The following ATR variants were observed in gnomAD, a reference collection of about 807,000 sequenced individuals.
The protein encoded by ATR is ATR checkpoint kinase.
A neutral mutation model predicts 305.3 loss-of-function variants in ATR; 142 were observed. That is an observed-to-expected ratio of 0.47 (90% CI 0.41 to 0.53). The LOEUF (loss-of-function observed/expected upper bound fraction) is 0.53, where lower values mean the gene tolerates loss of function less well. ATR is among the 20% of genes least tolerant of loss of function. The pLI, the probability that ATR is intolerant of heterozygous loss-of-function variation, is 0.00. For missense variants in ATR, 2,135 were observed against 3,133.1 expected (o/e 0.68, Z 7.60); for synonymous variants, 1,050 against 1,068.1 (o/e 0.98, Z 0.33).
intron 21 of ATR, among the ~76,000 whole-genome samples, chr3:142,525,148 CAGTTA>C (rs1157056638): frequency 2.0e-5 from 3 of 152,120 alleles, no homozygotes; most frequent in African/African-American, 7.2e-5. Flanking sequence ...CCCTGGTAAT[CAGTTA>C]AAAGTAAAAC....
At chr3:142,449,720 G>A in intron 46 of ATR, 118 bp from the exon 47 acceptor site, 7 of 1,079,826 alleles carry the variant, frequency 6.5e-6, no homozygotes, top group Non-Finnish European at 9.6e-6. Context: ...TACCCCTTTT[G>A]TAAGAGCAAA....
At position 142,522,868 on chromosome 3, in the gene ATR, T is replaced by C. The variant is rs1349369570; in HGVS notation, c.4153-27A>G. On this transcript the variant is annotated intron_variant, in intron 22 of 46. Coordinates refer to ENST00000350721, the MANE Select transcript of ATR (RefSeq NM_001184.4). The stretch of plus-strand genomic sequence containing the variant: ...TCAATCAGAAAAAAAAAAAAGAAAA[T>C]TCCAGGATAACTGCTATAAATTTTC... 9 of 1,497,314 alleles carry C rather than the reference T, an allele frequency of 6.0e-6. No homozygotes were observed. In the Admixed American group the frequency reaches 1.3e-4, roughly 22 times the overall value. 92.8% of individuals were successfully genotyped at this position (1,497,314 alleles called of 1,614,324 possible). A position where few individuals can be genotyped will look rare whatever the true frequency, so the allele number is the denominator to read the frequency against.
At chr3:142,484,569 A>G (rs2030784579) in intron 36 of ATR, among the ~76,000 whole-genome samples, 1 of 152,108 alleles carries the variant, frequency 6.6e-6, no homozygotes, top group Non-Finnish European at 1.5e-5. Flanking sequence ...TTCTTAATAA[A>G]CTAGTAAAAA....
intron 39 of ATR, 121 bp from the exon 40 acceptor site, chr3:142,466,654 C>T (rs1243140051): frequency 6.4e-5 from 57 of 885,070 alleles, no homozygotes; most frequent in Non-Finnish European, 9.7e-5. Flanking sequence ...CTAAGTATTT[C>T]CTAATCATCC....
At chr3:142,482,511 C>A (rs1454406668) in intron 36 of ATR, among the ~76,000 whole-genome samples, 3 of 152,022 alleles carry the variant, frequency 2.0e-5, no homozygotes, top group African/African-American at 7.2e-5. Flanking sequence ...GACTAAAGAG[C>A]AAACAAAAGA....
intron 34 of ATR, among the ~76,000 whole-genome samples, chr3:142,494,631 T>C (rs924219434): frequency 1.3e-5 from 2 of 152,188 alleles, no homozygotes; most frequent in African/African-American, 2.4e-5. Flanking sequence ...GTAGATGGAA[T>C]AATAATTTTA....
chr3:142,565,111 A>G (rs1275874679), intron 3 of ATR, among the ~76,000 whole-genome samples: 2 of 152,142 alleles, frequency 1.3e-5, no homozygotes, highest in African/African-American at 4.8e-5. Context: ...TTCATAACCC[A>G]CTAGTGGGTT....
Position 142,559,258 on chromosome 3 carries a change from A to G in ATR, c.1725T>C (p.Tyr575=). ...TTGCTAATTTGTACTCACCTTGCAT[A>G]TAAATCAAAGCATCATAAATTTTCA... The part of the protein sequence containing the change: ...KVVKIYDALI[Y]MQVNSSFEDH... The change falls in exon 7 of 47, where the codon TAT becomes TAC. Residue 575 remains tyrosine (Y), a synonymous_variant. Coordinates refer to ENST00000350721, the MANE Select transcript of ATR (RefSeq NM_001184.4). 1.2e-6 allele frequency: 2 copies of G among 1,613,444 alleles called. No individual in the cohort carries two copies. Among genetic ancestry groups the G allele is most frequent in the Non-Finnish European group, 1.7e-6 (2 of 1,179,562 alleles).
chr3:142,510,115 GAAAA>G (rs397760180), intron 27 of ATR, among the ~76,000 whole-genome samples: 1 of 95,304 alleles, frequency 1.0e-5, no homozygotes, highest in Non-Finnish European at 2.0e-5. Context: ...GACTGTCTCA[GAAAA>G]AAAAAAAAAA....
At chr3:142,486,331 C>A (rs148992283) in intron 35 of ATR, among the ~76,000 whole-genome samples, 1 of 152,148 alleles carries the variant, frequency 6.6e-6, no homozygotes, top group Non-Finnish European at 1.5e-5. Flanking sequence ...TATGATTAGA[C>A]GTGTGGCACA....
chr3:142,543,400 C>G (rs866798529), intron 16 of ATR, among the ~76,000 whole-genome samples: 3 of 121,194 alleles, frequency 2.5e-5, no homozygotes, highest in Non-Finnish European at 5.5e-5. Flanking sequence ...CCGTCCATCC[C>G]TTCTTCCTCC....
At chr3:142,554,929 T>TAA (rs879549974) in intron 10 of ATR, among the ~76,000 whole-genome samples, 3 of 139,106 alleles carry the variant, frequency 2.2e-5, no homozygotes, top group African/African-American at 7.9e-5. Flanking sequence ...CCCTGTCTCT[T>TAA]AAAAAAAAAA....
rs2035065924 is a variant in ATR, at chr3:142,566,185, C to A, written c.228G>T (p.Met76Ile). Residue 76 changes from methionine to isoleucine, a missense_variant, in exon 3 of 47, where the codon ATG (methionine) becomes ATT (isoleucine). Physicochemically the swap from Met to Ile is conservative, Grantham distance 10. Around this residue, in one of 9 missense-constraint regions of ATR, gnomAD observed 744 missense variants for 873.2 expected, o/e 0.85. Transcript: ENST00000350721. Reference sequence around the variant, plus strand: ...TTACAAACATAAGTGGGGAGGATTTCATGATATGCTGGATGAAATCAAGCA... The same window carrying A: ...TTACAAACATAAGTGGGGAGGATTTAATGATATGCTGGATGAAATCAAGCA... ...VMLLDFIQHI[M>I]KSSPLMFVNV... The A allele has an allele frequency of 6.2e-7, 1 of 1,614,134 alleles. No homozygotes were observed. The highest frequency in any genetic ancestry group is 8.5e-7 in the Non-Finnish European group (1 of 1,180,002).
intron 27 of ATR, 113 bp downstream of exon 27, chr3:142,512,147 T>C (rs2108370049): frequency 2.1e-6 from 2 of 972,676 alleles, no homozygotes; most frequent in Non-Finnish European, 1.5e-6. Context: ...ATAAAAAACA[T>C]GAAGCAAGGT....
At chr3:142,514,327 C>T (rs1416310305) in intron 25 of ATR, among the ~76,000 whole-genome samples, 1 of 150,338 alleles carries the variant, frequency 6.7e-6, no homozygotes, top group Non-Finnish European at 1.5e-5. Flanking sequence ...TTTTAAAACA[C>T]TAACAGAAAT....
chr3:142,555,217 C>A (rs2034622359), intron 10 of ATR, among the ~76,000 whole-genome samples: 1 of 147,252 alleles, frequency 6.8e-6, no homozygotes, highest in Non-Finnish European at 1.5e-5. Flanking sequence ...GCCTGGGCAA[C>A]AAGAGCAAAA....
intron 21 of ATR, among the ~76,000 whole-genome samples, chr3:142,526,713 C>A (rs535306593): frequency 1.7e-4 from 26 of 151,630 alleles, no homozygotes; most frequent in Non-Finnish European, 3.4e-4. Flanking sequence ...GAATTACATT[C>A]GTGGATTGCT....
chr3:142,531,250 T>C (rs1375064871), intron 21 of ATR, among the ~76,000 whole-genome samples: 9 of 152,060 alleles, frequency 5.9e-5, no homozygotes, highest in Non-Finnish European at 1.0e-4. Context: ...TTTTATTTTA[T>C]TTTATTTTAT....
In ATR at chr3:142,556,138, C is replaced by T. The variant is rs1212603214; in HGVS notation, c.2080G>A (p.Asp694Asn). The T allele has an allele frequency of 6.2e-7, 1 of 1,612,086 alleles. No homozygotes were observed. Among genetic ancestry groups the T allele is most frequent in the Non-Finnish European group, 8.5e-7 (1 of 1,179,466 alleles). Residue 694 changes from aspartate to asparagine, a missense_variant and splice_region_variant, in exon 10 of 47, where the codon GAT becomes AAT. By Grantham distance (23) the Asp-to-Asn change is conservative. Transcript: ENST00000350721. ...ATGTCAGAATCATCTTTGACTTTATCTCTGGGGAAAAAAAAGAAAAAGTAC... is the reference window on the plus strand; with the variant it reads ...ATGTCAGAATCATCTTTGACTTTATTTCTGGGGAAAAAAAAGAAAAAGTAC... Reference protein sequence around the residue: ...SCNRVPKILIDKVKDDSDIVK... With the variant: ...SCNRVPKILINKVKDDSDIVK...
Sources: allele counts gnomAD v4.1 joint callset (sites outside exome capture counted in the v4.1 genomes callset), GRCh38; gene constraint gnomAD v4.1.1; regional missense constraint gnomAD v4.1.1; transcripts MANE v1.5; gene names NCBI Gene and HGNC (gene_info 2026-07-23, HGNC 2026-07-21).